TRPM3: variants seen among roughly 807,000 people sequenced by gnomAD.
The protein encoded by TRPM3 is long transient receptor potential channel 3.
Under a neutral mutation model 181.2 loss-of-function variants are expected in TRPM3, and 77 were observed. That is an observed-to-expected ratio of 0.42 (90% confidence interval 0.35 to 0.51). TRPM3 has a LOEUF of 0.51. Ranked by LOEUF, TRPM3 falls within the 20% of genes least tolerant of loss-of-function variation. The probability of loss-of-function intolerance (pLI) is 0.01; values close to 1 mark genes in which losing one functional copy is unlikely to be tolerated. For synonymous variants in TRPM3, 745 were observed against 796.4 expected (o/e 0.94, Z 1.09); for missense variants, 1,759 against 2,196.7 (o/e 0.80, Z 3.98).
chr9:70,606,640 T>TGA (rs2061186382), intron 19 of TRPM3, among the ~76,000 whole-genome samples: 1 of 70,736 alleles, frequency 1.4e-5, no homozygotes, highest in Non-Finnish European at 3.6e-5. Flanking sequence ...TGTGTGTGTG[T>TGA]GTGTGTGTGT....
At chr9:71,016,714 T>C (rs1459596678) in intron 1 of TRPM3, among the ~76,000 whole-genome samples, 1 of 152,198 alleles carries the variant, frequency 6.6e-6, no homozygotes, top group Non-Finnish European at 1.5e-5. Context: ...ATAATATTGC[T>C]ATGAAGATTA....
At chr9:71,267,588 T>C (rs1171694308) in intron 1 of TRPM3, among the ~76,000 whole-genome samples, 2 of 152,186 alleles carry the variant, frequency 1.3e-5, no homozygotes, top group African/African-American at 4.8e-5. Context: ...CTGTCACTCC[T>C]CACAGAATAC....
At chr9:70,860,025 A>G (rs959193173) in intron 3 of TRPM3, among the ~76,000 whole-genome samples, 13 of 152,168 alleles carry the variant, frequency 8.5e-5, no homozygotes, top group Non-Finnish European at 4.4e-5. Flanking sequence ...TGGCACCCCT[A>G]TGGAAATATT....
At chr9:71,318,411 T>A (rs964958710) in intron 1 of TRPM3, among the ~76,000 whole-genome samples, 2 of 152,196 alleles carry the variant, frequency 1.3e-5, no homozygotes, top group Non-Finnish European at 2.9e-5. Flanking sequence ...TTATTGCACA[T>A]AATTAAAAAA....
intron 1 of TRPM3, among the ~76,000 whole-genome samples, chr9:71,413,591 A>G (rs892953417): frequency 1.3e-5 from 2 of 152,150 alleles, no homozygotes; most frequent in African/African-American, 4.8e-5. Flanking sequence ...CCCAAAATTC[A>G]TGTATTAGAA....
chr9:71,208,006 G>A (rs1565342722), intron 1 of TRPM3, among the ~76,000 whole-genome samples: 1 of 152,192 alleles, frequency 6.6e-6, no homozygotes, highest in Non-Finnish European at 1.5e-5. Flanking sequence ...TCCATTATAG[G>A]AGCAAGGAAG....
At chr9:70,788,032 TTTAAG>T (rs1226022039) in intron 6 of TRPM3, among the ~76,000 whole-genome samples, 1 of 149,492 alleles carries the variant, frequency 6.7e-6, no homozygotes, top group Non-Finnish European at 1.5e-5. Context: ...TTTAATATAC[TTTAAG>T]TTTTAGGGTA....
intron 12 of TRPM3, among the ~76,000 whole-genome samples, chr9:70,628,365 G>T (rs1387292460): frequency 2.6e-5 from 4 of 152,144 alleles, no homozygotes; most frequent in African/African-American, 9.7e-5. Context: ...TTTCCCTTAA[G>T]CTCTCAGATT....
In TRPM3 at chr9:70,790,387, T is replaced by C. The variant is rs147478683; in HGVS notation, c.974-6108A>G. 9.8e-3 allele frequency among the ~76,000 whole-genome samples: 1,485 copies of C among 152,298 alleles called. 25 individuals are homozygous for C. The highest frequency in any genetic ancestry group is 0.034 in the African/African-American group (1,408 of 41,562). Reference sequence around the variant, plus strand: ...AGATCTTGAACAATTCAATACTAAGTCTATCAGTGGTGGCTAGATACTTGT... The same window carrying C: ...AGATCTTGAACAATTCAATACTAAGCCTATCAGTGGTGGCTAGATACTTGT... On this transcript the variant is annotated intron_variant, in intron 6 of 25. Coordinates refer to ENST00000677713, the MANE Select transcript of TRPM3 (RefSeq NM_001366145.2).
chr9:71,438,354 T>A (rs140892911), intron 1 of TRPM3, among the ~76,000 whole-genome samples: 179 of 152,280 alleles, frequency 1.2e-3, no homozygotes, highest in African/African-American at 4.1e-3. Context: ...TAAAATTTGA[T>A]AATAGTGTTA....
chr9:71,368,206 C>T (rs1240455005), intron 1 of TRPM3, among the ~76,000 whole-genome samples: 1 of 152,136 alleles, frequency 6.6e-6, no homozygotes, highest in Admixed American at 6.5e-5. Context: ...TGCTACCATT[C>T]CCTCTGATTG....
At position 70,532,475 on chromosome 9, in the gene TRPM3, A is replaced by C. The variant is rs1188086347; in HGVS notation, c.*3478T>G. ...TGTAAAGTGCTGTATTCTGACTGCT[A>C]ATACACCTTTTGGCTTGCAGAGATA... On this transcript the variant is annotated 3_prime_UTR_variant, in exon 26 of 26. Coordinates refer to ENST00000677713, the MANE Select transcript of TRPM3 (RefSeq NM_001366145.2). The C allele has an allele frequency of 6.6e-6, 1 of 152,198 alleles. No individual in the cohort carries two copies. The highest frequency in any genetic ancestry group is 1.9e-4 in the East Asian group (1 of 5,200). 9.4% of individuals were successfully genotyped at this position (152,198 alleles called of 1,614,324 possible).
intron 1 of TRPM3, among the ~76,000 whole-genome samples, chr9:70,978,647 G>A (rs577218865): frequency 1.4e-4 from 22 of 152,124 alleles, no homozygotes; most frequent in African/African-American, 3.9e-4. Flanking sequence ...TGTTGTTCCC[G>A]TCATGGGGTA....
chr9:70,553,107 C>G, intron 23 of TRPM3, 53 bp downstream of exon 23: 1 of 1,613,476 alleles, frequency 6.2e-7, no homozygotes. Context: ...CATCGACTCC[C>G]CTTCACCCCT....
At position 70,936,863 on chromosome 9, in the gene TRPM3, C is replaced by A. The variant is rs115983181; in HGVS notation, c.178-72352G>T. On this transcript the variant is annotated intron_variant, in intron 1 of 25. Coordinates refer to ENST00000677713, the MANE Select transcript of TRPM3 (RefSeq NM_001366145.2). ...TGAAGAAGAAATTTAAATAACATTT[C>A]TCTGCTGTATCTCTTGTCTGTCTTC... Among the ~76,000 whole-genome samples, 723 of 152,276 alleles carry A rather than the reference C, an allele frequency of 4.7e-3. 1 individual carries two copies. Among genetic ancestry groups the A allele is most frequent in the African/African-American group, 0.016 (678 of 41,570 alleles).
chr9:70,616,829 A>C (rs970351205), intron 17 of TRPM3, among the ~76,000 whole-genome samples: 1 of 152,154 alleles, frequency 6.6e-6, no homozygotes, highest in Admixed American at 6.5e-5. Context: ...AGGACACTAA[A>C]TACGGAAGCC....
At chr9:70,848,594 A>T (rs905812836) in intron 3 of TRPM3, among the ~76,000 whole-genome samples, 1 of 152,222 alleles carries the variant, frequency 6.6e-6, no homozygotes, top group African/African-American at 2.4e-5. Context: ...AAATAAAGAC[A>T]GATCATGTAC....
At position 70,676,420 on chromosome 9, in the gene TRPM3, T is replaced by C. The variant is rs1314067345; in HGVS notation, c.1345+5086A>G. Reference sequence around the variant, plus strand: ...AATAACTTCATTTGCTGTGAATAGATATTTTCTGCGGTTTTGGAGCCTGGA... The same window carrying C: ...AATAACTTCATTTGCTGTGAATAGACATTTTCTGCGGTTTTGGAGCCTGGA... On this transcript the variant is annotated intron_variant, in intron 9 of 25. Coordinates refer to ENST00000677713, the MANE Select transcript of TRPM3 (RefSeq NM_001366145.2). Among the ~76,000 whole-genome samples the C allele has an allele frequency of 1.2e-4, 18 of 152,202 alleles. 1 individual carries two copies. The highest frequency in any genetic ancestry group is 1.2e-3 in the Admixed American group (18 of 15,278).
chr9:70,615,997 G>A lies in TRPM3; in HGVS notation c.2437C>T (p.Gln813Ter). Residue 813 changes from glutamine to a stop codon, truncating the protein, a stop_gained, in exon 18 of 26, where the codon CAG (glutamine) becomes TAG (stop). Coordinates refer to ENST00000677713, the MANE Select transcript of TRPM3 (RefSeq NM_001366145.2). LOFTEE classifies it high-confidence loss of function. Reference sequence around the variant, plus strand: ...TCTTGGAGGTGGATTTCCTGGGCCTGAGACATATAGGGCATGTCGTCTTTG... The same window carrying A: ...TCTTGGAGGTGGATTTCCTGGGCCTAAGACATATAGGGCATGTCGTCTTTG... ...KNKDDMPYMS[Q>*]AQEIHLQEKE... The A allele has an allele frequency of 6.2e-7, 1 of 1,613,322 alleles. No individual in the cohort carries two copies. The highest frequency in any genetic ancestry group is 8.5e-7 in the Non-Finnish European group (1 of 1,179,594).
Sources: gnomAD v4.1 joint callset for allele counts (sites outside exome capture counted in the v4.1 genomes callset) on GRCh38, gnomAD v4.1.1 for gene constraint, MANE v1.5 for transcripts, NCBI Gene and HGNC (gene_info 2026-07-23, HGNC 2026-07-21) for gene names.